Variants in COL19A1 observed in about 807,000 individuals in gnomAD.
The protein encoded by COL19A1 is collagen type XIX alpha 1 chain.
A neutral mutation model predicts 190.2 loss-of-function variants in COL19A1; 159 were observed. The observed-to-expected ratio is 0.84, with a 90% CI of 0.73 to 0.95. COL19A1 has a LOEUF of 0.95. COL19A1 is among the 40% of genes least tolerant of loss of function. COL19A1 has a pLI of 0.00. For missense variants in COL19A1, 1,418 were observed against 1,431.9 expected, an observed-to-expected ratio of 0.99 and a Z score of 0.16; for synonymous variants, 509 against 458.9, an observed-to-expected ratio of 1.11 and a Z score of -1.39.
At chr6:70,116,657 T>C (rs1019798880) in intron 16 of COL19A1, among the ~76,000 whole-genome samples, 1 of 152,170 alleles carries the variant, frequency 6.6e-6, no homozygotes, top group Non-Finnish European at 1.5e-5. Flanking sequence ...TGTTTTTTTT[T>C]CTTGAATACA....
At chr6:69,993,448 G>T (rs568336181) in intron 11 of COL19A1, among the ~76,000 whole-genome samples, 54 of 152,222 alleles carry the variant, frequency 3.5e-4, no homozygotes, top group African/African-American at 1.3e-3. Flanking sequence ...CCAGGTTTTG[G>T]TATCAGGATG....
At chr6:69,929,276 T>C in intron 5 of COL19A1, 149 bp from the exon 6 acceptor site, 1 of 774,490 alleles carries the variant, frequency 1.3e-6, no homozygotes, top group South Asian at 1.9e-5. Flanking sequence ...TCTTTTATTT[T>C]AACAAACCTG....
intron 12 of COL19A1, among the ~76,000 whole-genome samples, chr6:70,026,413 T>A (rs1028393725): frequency 6.6e-6 from 1 of 152,208 alleles, no homozygotes; most frequent in African/African-American, 2.4e-5. Context: ...GTCCTTCACA[T>A]GCCCCAATAA....
At chr6:69,993,050 C>T (rs1468508264) in intron 11 of COL19A1, among the ~76,000 whole-genome samples, 2 of 152,124 alleles carry the variant, frequency 1.3e-5, no homozygotes, top group Admixed American at 6.6e-5. Context: ...AAGGAGAATG[C>T]TTCCAGCTTT....
intron 14 of COL19A1, among the ~76,000 whole-genome samples, chr6:70,060,662 A>T (rs1474566081): frequency 6.6e-6 from 1 of 152,128 alleles, no homozygotes; most frequent in Non-Finnish European, 1.5e-5. Context: ...ACTGTCTCCC[A>T]TCACCCCTAG....
intron 11 of COL19A1, among the ~76,000 whole-genome samples, chr6:70,017,865 T>C (rs1021842321): frequency 6.6e-6 from 1 of 152,248 alleles, no homozygotes; most frequent in Admixed American, 6.6e-5. Context: ...GCATGAGCAG[T>C]TTTTGAGGAC....
intron 10 of COL19A1, among the ~76,000 whole-genome samples, chr6:69,960,306 C>T (rs1399594401): frequency 6.6e-6 from 1 of 152,174 alleles, no homozygotes; most frequent in Non-Finnish European, 1.5e-5. Flanking sequence ...TCCGTGATAG[C>T]TGCTCTGGAA....
chr6:70,208,300 A>G lies in COL19A1; in HGVS notation c.*1026A>G, dbSNP rs1768013444. On this transcript the variant is annotated 3_prime_UTR_variant, in exon 51 of 51. Transcript: ENST00000620364. ...TGGACTCACTTGTCCTAGAAGATGA[A>G]TGTGTAGTGTCAGCAAATGCATGTT... 1 of 152,244 alleles carries G rather than the reference A, an allele frequency of 6.6e-6. No homozygotes were observed. Among genetic ancestry groups the G allele is most frequent in the Non-Finnish European group, 1.5e-5 (1 of 68,048 alleles). 9.4% of individuals were successfully genotyped at this position (152,244 alleles called of 1,614,324 possible).
chr6:69,986,296 G>T (rs1473024311), intron 11 of COL19A1, among the ~76,000 whole-genome samples: 2 of 149,264 alleles, frequency 1.3e-5, no homozygotes, highest in Admixed American at 6.7e-5. Context: ...TTATAAGTCA[G>T]AAATGTGAGG....
In COL19A1 at chr6:69,900,761, CTT is replaced by C. The variant is rs779165624; in HGVS notation, c.266+424_266+425del. Reference sequence around the variant, plus strand: ...TAAGTTAAAATAAAAGAATTTAGCTCTTAGGTGTTCATCTTATCTATTGTATA... The same window carrying C: ...TAAGTTAAAATAAAAGAATTTAGCTCAGGTGTTCATCTTATCTATTGTATA... On this transcript the variant is annotated intron_variant, in intron 4 of 50. Coordinates refer to ENST00000620364, the MANE Select transcript of COL19A1 (RefSeq NM_001858.6). Among the ~76,000 whole-genome samples the C allele has an allele frequency of 3.3e-5, 5 of 152,126 alleles. No homozygotes were observed. The South Asian group carries it at 8.3e-4, about 25-fold the overall frequency.
chr6:70,156,256 C>T (rs757627377), intron 32 of COL19A1, 25 bp downstream of exon 32: 64 of 1,612,840 alleles, frequency 4.0e-5, no homozygotes, highest in Middle Eastern at 1.6e-4. Context: ...TGAATGTTTA[C>T]GATCCCTGTG....
At chr6:69,949,480 G>T (rs1774003188) in intron 9 of COL19A1, among the ~76,000 whole-genome samples, 1 of 151,764 alleles carries the variant, frequency 6.6e-6, no homozygotes, top group Non-Finnish European at 1.5e-5. Context: ...AAACAAGAAA[G>T]TTACTAGCGT....
chr6:70,052,368 G>A (rs1780254324), intron 14 of COL19A1, among the ~76,000 whole-genome samples: 1 of 152,220 alleles, frequency 6.6e-6, no homozygotes, highest in South Asian at 2.1e-4. Flanking sequence ...AAATAGAAAT[G>A]CAAAAGACTC....
intron 8 of COL19A1, 146 bp from the exon 9 acceptor site, chr6:69,937,892 C>T (rs1582461103): frequency 1.9e-5 from 12 of 642,196 alleles, no homozygotes; most frequent in Middle Eastern, 2.6e-4. Context: ...CCCTTGTTCA[C>T]GTGGCTCACT....
intron 17 of COL19A1, 140 bp from the exon 18 acceptor site, chr6:70,130,042 A>G: frequency 1.3e-6 from 1 of 772,574 alleles, no homozygotes; most frequent in Non-Finnish European, 2.1e-6. Context: ...CGAGAGAGAC[A>G]AAGATGTCTG....
intron 15 of COL19A1, among the ~76,000 whole-genome samples, chr6:70,092,343 C>T (rs952758933): frequency 6.6e-6 from 1 of 152,106 alleles, no homozygotes; most frequent in Non-Finnish European, 1.5e-5. Flanking sequence ...TCATCTATAA[C>T]CAAATGAACA....
At chr6:70,121,678 T>C (rs1281500420) in intron 16 of COL19A1, among the ~76,000 whole-genome samples, 1 of 152,180 alleles carries the variant, frequency 6.6e-6, no homozygotes, top group African/African-American at 2.4e-5. Flanking sequence ...TTTGGATTCA[T>C]GCAGGATTTA....
intron 42 of COL19A1, 25 bp from the exon 43 acceptor site, chr6:70,180,287 A>G: frequency 1.9e-6 from 3 of 1,613,924 alleles, no homozygotes; most frequent in Admixed American, 1.7e-5. Flanking sequence ...GGCTCCTAAC[A>G]TTTCTCTTCA....
chr6:70,189,935 T>C (rs1766749882), intron 47 of COL19A1, among the ~76,000 whole-genome samples: 1 of 152,226 alleles, frequency 6.6e-6, no homozygotes. Flanking sequence ...ATCCAGGGAT[T>C]GGTTAAAAGT....
Sources: gnomAD v4.1 joint callset for allele counts (sites outside exome capture counted in the v4.1 genomes callset) on GRCh38, gnomAD v4.1.1 for gene constraint, MANE v1.5 for transcripts, NCBI Gene and HGNC (gene_info 2026-07-23, HGNC 2026-07-21) for gene names.